FKBP4: variants seen among roughly 807,000 people sequenced by gnomAD.
FKBP4 encodes peptidyl-prolyl cis-trans isomerase FKBP4.
In FKBP4, 28 loss-of-function variants were observed where a neutral mutation model predicts 54.1. That is an observed-to-expected ratio of 0.52 (90% CI 0.38 to 0.71). The LOEUF is 0.71. FKBP4 is among the 30% of genes least tolerant of loss of function. The probability of loss-of-function intolerance (pLI) is 0.00; values close to 1 mark genes in which losing one functional copy is unlikely to be tolerated. For missense variants in FKBP4, 493 were observed against 574.4 expected (o/e 0.86, Z 1.45); for synonymous variants, 223 against 216.1 (o/e 1.03, Z -0.28).
At chr12:2,800,239 T>C in intron 7 of FKBP4, 117 bp downstream of exon 7, 1 of 1,377,948 alleles carries the variant, frequency 7.3e-7, no homozygotes, top group Non-Finnish European at 1.0e-6. Flanking sequence ...GCACCTGCCA[T>C]CTTCACTTCA....
In FKBP4 at chr12:2,803,169, T is replaced by G; in HGVS notation, c.1291T>G (p.Ser431Ala). The G allele has an allele frequency of 1.2e-6, 2 of 1,605,454 alleles. No homozygotes were observed. The highest frequency in any genetic ancestry group is 1.7e-6 in the Non-Finnish European group (2 of 1,175,928). ...EENKAKAEASSGDHPTDTEMK... is the reference protein window; with the variant it reads ...EENKAKAEASAGDHPTDTEMK... ...CTTGCAGGCCAAGGCAGAGGCTTCC[T>G]CAGGAGACCATCCCACTGACACAGA... The change falls in exon 10 of 10, where the codon TCA (serine) becomes GCA (alanine). Residue 431 changes from serine (S) to alanine (A), a missense_variant. Coordinates refer to ENST00000001008, the MANE Select transcript of FKBP4 (RefSeq NM_002014.4).
At chr12:2,796,889 A>G (rs2097902156) in intron 1 of FKBP4, 4 of 1,313,542 alleles carry the variant, frequency 3.0e-6, no homozygotes, top group Non-Finnish European at 3.9e-6. Flanking sequence ...TACAGCGGAA[A>G]CTTGAACTCA....
In FKBP4 at chr12:2,795,862, G is replaced by C. The variant is rs2097901500; in HGVS notation, c.105+618G>C. On this transcript the variant is annotated intron_variant, in intron 1 of 9. Transcript: ENST00000001008. The surrounding 1 kb of genome is among the most constrained non-coding windows in gnomAD (Gnocchi z 4.3). Reference sequence around the variant, plus strand: ...CCGGGACCCAGCGAGGTCCCCACTCGCCGCGCGGCGCCCCCTCCCTCGGCC... The same window carrying C: ...CCGGGACCCAGCGAGGTCCCCACTCCCCGCGCGGCGCCCCCTCCCTCGGCC... 1.3e-6 allele frequency: 1 copy of C among 783,612 alleles called. No individual in the cohort carries two copies. Among genetic ancestry groups the C allele is most frequent in the Non-Finnish European group, 1.6e-6 (1 of 644,700 alleles). The allele number at this position is 783,612 out of a possible 1,614,324, so 48.5% of individuals were successfully genotyped here. A position where few individuals can be genotyped will look rare whatever the true frequency, so the allele number is the denominator to read the frequency against.
At position 2,797,125 on chromosome 12, in the gene FKBP4, C is replaced by T. The variant is rs751205015; in HGVS notation, c.106-13C>T. 1.2e-6 allele frequency: 2 copies of T among 1,612,036 alleles called. No individual in the cohort carries two copies. The highest frequency in any genetic ancestry group is 1.1e-5 in the South Asian group (1 of 90,984). ...AAACCCTGGGGTACTCACTTTCTCC[C>T]CCTTCCTCCCAGGTCATCAAGAGAG... On this transcript the variant is annotated splice_polypyrimidine_tract_variant and intron_variant, in intron 1 of 9. Transcript: ENST00000001008.
chr12:2,802,529 G>A (rs187573914), intron 9 of FKBP4, among the ~76,000 whole-genome samples: 1 of 152,270 alleles, frequency 6.6e-6, no homozygotes, highest in East Asian at 1.9e-4. Flanking sequence ...TTAAAAAGGT[G>A]AAAAACAAAT....
In FKBP4 at chr12:2,797,410, ACT is replaced by A. The variant is rs199873003; in HGVS notation, c.250+131_250+132del. The A allele has an allele frequency of 2.4e-4, 258 of 1,080,228 alleles. No homozygotes were observed. The African/African-American group carries it at 3.7e-3, about 16-fold the overall frequency. 66.9% of individuals were successfully genotyped at this position (1,080,228 alleles called of 1,614,324 possible). A position where few individuals can be genotyped will look rare whatever the true frequency, so the allele number is the denominator to read the frequency against. ...TCACAGTCTGTTAACTCTTTCGGTC[ACT>A]CTTTTTTTTTTTTTTCTACCGTTCT... On this transcript the variant is annotated intron_variant, in intron 2 of 9. Coordinates refer to ENST00000001008, the MANE Select transcript of FKBP4 (RefSeq NM_002014.4).
In FKBP4 at chr12:2,797,778, GGA is replaced by G; in HGVS notation, c.302_303del (p.Glu101GlyfsTer30). ...TTGCCATAGCCACCATGAAGGTGGG[GGA>G]GGTGTGCCACATCACCTGCAAACCA... ...DIAIATMKVG[E>X]VCHITCKPEY... is the part of the protein sequence containing the mutation. On this transcript the variant is annotated frameshift_variant, in exon 3 of 10. Coordinates refer to ENST00000001008, the MANE Select transcript of FKBP4 (RefSeq NM_002014.4). LOFTEE classifies it high-confidence loss of function. The G allele has an allele frequency of 5.6e-6, 9 of 1,613,980 alleles. No individual in the cohort carries two copies. Among genetic ancestry groups the G allele is most frequent in the Non-Finnish European group, 6.8e-6 (8 of 1,179,902 alleles).
intron 8 of FKBP4, among the ~76,000 whole-genome samples, chr12:2,800,790 C>T (rs896075343): frequency 5.3e-5 from 8 of 152,180 alleles, no homozygotes; most frequent in South Asian, 4.1e-4. Flanking sequence ...GAGGAGGACA[C>T]GGAATGGGAA....
intron 7 of FKBP4, 40 bp from the exon 8 acceptor site, chr12:2,800,352 T>C: frequency 6.3e-7 from 1 of 1,580,364 alleles, no homozygotes; most frequent in South Asian, 1.2e-5. Context: ...CTAGTACCAC[T>C]GAAACTGTGC....
Position 2,798,331 on chromosome 12 carries a change from C to A in FKBP4, c.394-375C>A, listed in dbSNP as rs1380213737. Among the ~76,000 whole-genome samples the A allele has an allele frequency of 6.6e-6, 1 of 152,092 alleles. No homozygotes were observed. Among genetic ancestry groups the A allele is most frequent in the Non-Finnish European group, 1.5e-5 (1 of 68,020 alleles). ...AAAATGGTTGAGCCAATCCGTGGGC[C>A]CTTGAATACTGAGAAACTGCTGAGA... On this transcript the variant is annotated intron_variant, in intron 3 of 9. Transcript: ENST00000001008. The surrounding 1 kb of genome is among the most constrained non-coding windows in gnomAD (Gnocchi z 4.3).
chr12:2,802,093 G>A (rs1001468061), intron 9 of FKBP4, among the ~76,000 whole-genome samples: 5 of 152,134 alleles, frequency 3.3e-5, no homozygotes, highest in African/African-American at 1.2e-4. Context: ...TATGGATATG[G>A]CTTGTCTTAG....
intron 1 of FKBP4, chr12:2,796,307 G>A (rs1349729716): frequency 7.8e-7 from 1 of 1,289,150 alleles, no homozygotes; most frequent in African/African-American, 1.5e-5. Context: ...GCTCTCCTGT[G>A]GCATGTGACT....
chr12:2,795,381 C>T lies in FKBP4; in HGVS notation c.105+137C>T. ...GCCTCGCGGCCGTCCCGCCGGGGGC[C>T]GGTGGCATCGCCGTCCCGGACCGGG... On this transcript the variant is annotated intron_variant, in intron 1 of 9. Coordinates refer to ENST00000001008, the MANE Select transcript of FKBP4 (RefSeq NM_002014.4). This position sits in a 1 kb window ranked among gnomAD's most constrained non-coding sequence, Gnocchi z 4.3. 4.6e-6 allele frequency: 1 copy of T among 217,488 alleles called. No individual in the cohort carries two copies. Among genetic ancestry groups the T allele is most frequent in the Non-Finnish European group, 8.0e-6 (1 of 124,754 alleles). 13.5% of individuals were successfully genotyped at this position (217,488 alleles called of 1,614,324 possible).
At position 2,803,578 on chromosome 12, in the gene FKBP4, G is replaced by T. The variant is rs910035895; in HGVS notation, c.*320G>T. On this transcript the variant is annotated 3_prime_UTR_variant, in exon 10 of 10. Coordinates refer to ENST00000001008, the MANE Select transcript of FKBP4 (RefSeq NM_002014.4). ...CTAAGGGTAGAAGAGGCAAGTGGTA[G>T]GGATGAGGTCTGATAAGAACCCAGG... 9 of 264,470 alleles carry T rather than the reference G, an allele frequency of 3.4e-5. No homozygotes were observed. Among genetic ancestry groups the T allele is most frequent in the Non-Finnish European group, 6.1e-5 (8 of 131,702 alleles). 16.4% of individuals were successfully genotyped at this position (264,470 alleles called of 1,614,324 possible).
intron 7 of FKBP4, 43 bp downstream of exon 7, chr12:2,800,165 T>C: frequency 6.3e-7 from 1 of 1,594,318 alleles, no homozygotes; most frequent in South Asian, 1.1e-5. Context: ...CCAGGAAGAG[T>C]TGCTCTGAGC....
At position 2,798,371 on chromosome 12, in the gene FKBP4, A is replaced by G. The variant is rs943433630; in HGVS notation, c.394-335A>G. On this transcript the variant is annotated intron_variant, in intron 3 of 9. Coordinates refer to ENST00000001008, the MANE Select transcript of FKBP4 (RefSeq NM_002014.4). The surrounding 1 kb of genome is among the most constrained non-coding windows in gnomAD (Gnocchi z 4.3). ...AACTGCTGAGAGATGTTGGGTAATC[A>G]TTTCTAATACCTACCAGGTTGGGCT... 1.7e-4 allele frequency among the ~76,000 whole-genome samples: 26 copies of G among 152,218 alleles called. No individual in the cohort carries two copies. The highest frequency in any genetic ancestry group is 6.3e-4 in the African/African-American group (26 of 41,460).
intron 1 of FKBP4, chr12:2,796,932 C>G: frequency 7.4e-7 from 1 of 1,358,412 alleles, no homozygotes; most frequent in Non-Finnish European, 9.5e-7. Flanking sequence ...TTTTTCAAAC[C>G]AAGTCTTGCT....
In FKBP4 at chr12:2,799,128, G is replaced by A. The variant is rs751486111; in HGVS notation, c.555G>A (p.Gln185=). 1 of 1,575,096 alleles carries A rather than the reference G, an allele frequency of 6.3e-7. No homozygotes were observed. The highest frequency in any genetic ancestry group is 1.9e-5 in the Admixed American group (1 of 52,098). ...EGYYKDKLFD[Q]RELRFEIGEG... is the part of the protein sequence containing the mutation. ...ACTACAAGGACAAGCTCTTTGACCA[G>A]CGGGAGCTCCGCTTTGAGATTGGCG... The change falls in exon 5 of 10, where the codon CAG becomes CAA. Residue 185 remains glutamine (Q), a synonymous_variant. Transcript: ENST00000001008.
Position 2,797,411 on chromosome 12 carries a change from CT to C in FKBP4, c.250+130del, listed in dbSNP as rs903243151. ...CACAGTCTGTTAACTCTTTCGGTCA[CT>C]CTTTTTTTTTTTTTTCTACCGTTCT... On this transcript the variant is annotated intron_variant, in intron 2 of 9. Coordinates refer to ENST00000001008, the MANE Select transcript of FKBP4 (RefSeq NM_002014.4). 8.5e-6 allele frequency: 9 copies of C among 1,062,360 alleles called. No homozygotes were observed. In the African/African-American group the frequency reaches 1.4e-4, roughly 17 times the overall value. The allele number at this position is 1,062,360 out of a possible 1,614,324, so 65.8% of individuals were successfully genotyped here.
Sources: gnomAD v4.1 joint callset for allele counts (sites outside exome capture counted in the v4.1 genomes callset) on GRCh38, gnomAD v4.1.1 for gene constraint, Gnocchi (gnomAD v3.1) non-coding constraint, MANE v1.5 for transcripts, NCBI Gene and HGNC (gene_info 2026-07-23, HGNC 2026-07-21) for gene names.